The following ITPR2 variants were observed in gnomAD, a reference collection of about 807,000 sequenced individuals.
The protein encoded by ITPR2 is inositol 1,4,5-trisphosphate-gated calcium channel ITPR2.
ITPR2 carries 207 observed loss-of-function variants against 317.1 expected under a neutral mutation model. The ratio of observed to expected loss-of-function variants is 0.65; its 90% CI spans 0.58 to 0.73. The LOEUF (loss-of-function observed/expected upper bound fraction) is 0.73, where lower values mean the gene tolerates loss of function less well. Among genes scored for constraint, ITPR2 ranks in the 30% least tolerant of loss-of-function variants. ITPR2 has a pLI of 0.00. For synonymous variants in ITPR2, 1,156 were observed against 1,149.1 expected (o/e 1.01, Z -0.12); for missense variants, 2,613 against 3,284.0 (o/e 0.80, Z 4.99).
intron 45 of ITPR2, among the ~76,000 whole-genome samples, chr12:26,466,389 A>G (rs1942171595): frequency 6.6e-6 from 1 of 152,250 alleles, no homozygotes; most frequent in South Asian, 2.1e-4. Context: ...GCTCAGAGCT[A>G]CCACTGATAA....
intron 53 of ITPR2, 96 bp downstream of exon 53, chr12:26,400,032 T>C: frequency 2.3e-6 from 3 of 1,298,404 alleles, no homozygotes; most frequent in Non-Finnish European, 3.1e-6. Context: ...TGGTACAATA[T>C]ATTTTCCTGA....
intron 25 of ITPR2, 123 bp downstream of exon 25, chr12:26,622,117 T>C (rs1374764240): frequency 1.7e-5 from 13 of 759,620 alleles, no homozygotes; most frequent in African/African-American, 1.8e-5. Context: ...TGTTTAAAAA[T>C]AGAAAGTGTC....
intron 2 of ITPR2, among the ~76,000 whole-genome samples, chr12:26,730,108 C>T (rs1949001725): frequency 1.3e-5 from 2 of 152,098 alleles, no homozygotes; most frequent in South Asian, 4.2e-4. Flanking sequence ...AGGTGTCCAC[C>T]CCTTTGGTTT....
intron 55 of ITPR2, among the ~76,000 whole-genome samples, chr12:26,357,726 T>C (rs1470699123): frequency 1.3e-5 from 2 of 152,178 alleles, no homozygotes; most frequent in Non-Finnish European, 2.9e-5. Context: ...GAGTGGGCAG[T>C]GCCAAAATTG....
chr12:26,703,195 T>G (rs1413931500), intron 9 of ITPR2, among the ~76,000 whole-genome samples: 1 of 152,228 alleles, frequency 6.6e-6, no homozygotes, highest in African/African-American at 2.4e-5. Flanking sequence ...ACTGTGAGAC[T>G]TAGCATGGTC....
At chr12:26,378,555 C>T (rs774093471) in intron 55 of ITPR2, among the ~76,000 whole-genome samples, 2 of 152,186 alleles carry the variant, frequency 1.3e-5, no homozygotes, top group African/African-American at 2.4e-5. Flanking sequence ...TGTGATTTGA[C>T]TTAAGGTTTC....
intron 1 of ITPR2, among the ~76,000 whole-genome samples, chr12:26,827,270 AGAAAAGAACAATAAACTCG>A: frequency 2.1e-5 from 2 of 95,050 alleles, no homozygotes; most frequent in Admixed American, 2.1e-4. Context: ...ACTTACACGG[AGAAAAGAACAATAAACTCG>A]GAGAAAAGAA....
chr12:26,364,650 T>G (rs1179966682), intron 55 of ITPR2, among the ~76,000 whole-genome samples: 1 of 152,160 alleles, frequency 6.6e-6, no homozygotes, highest in Non-Finnish European at 1.5e-5. Context: ...CTCTGCTCAT[T>G]CAGCAACCAA....
At chr12:26,520,391 C>T (rs1943632461) in intron 37 of ITPR2, among the ~76,000 whole-genome samples, 1 of 152,146 alleles carries the variant, frequency 6.6e-6, no homozygotes, top group South Asian at 2.1e-4. Context: ...TGTTGACTTC[C>T]TGTTTTTGCT....
intron 34 of ITPR2, among the ~76,000 whole-genome samples, chr12:26,578,317 T>C (rs11048589): frequency 0.063 from 9,602 of 152,148 alleles, 427 homozygotes; most frequent in Middle Eastern, 0.14. Context: ...CCTTGAATAT[T>C]GACACACTTC....
intron 26 of ITPR2, among the ~76,000 whole-genome samples, chr12:26,605,124 A>T (rs79013598): frequency 0.042 from 3,535 of 83,786 alleles, 157 homozygotes; most frequent in African/African-American, 0.13. Flanking sequence ...ATAAAAAATA[A>T]AAATATATAT....
intron 37 of ITPR2, among the ~76,000 whole-genome samples, chr12:26,535,875 C>T (rs1440259145): frequency 2.0e-5 from 3 of 152,152 alleles, no homozygotes; most frequent in African/African-American, 4.8e-5. Flanking sequence ...AAAAGAACAA[C>T]TTATATGTCA....
intron 37 of ITPR2, among the ~76,000 whole-genome samples, chr12:26,510,360 C>T (rs1355590034): frequency 6.6e-6 from 1 of 152,120 alleles, no homozygotes. Context: ...TATTTGCCAA[C>T]CATTTCAGAA....
At chr12:26,663,868 AC>A (rs1423075438) in intron 14 of ITPR2, 22 bp from the exon 15 acceptor site, 5 of 1,574,008 alleles carry the variant, frequency 3.2e-6, no homozygotes, top group Admixed American at 2.0e-5. Context: ...AAAAACAGCC[AC>A]CTATTCTGAT....
At position 26,623,901 on chromosome 12, in the gene ITPR2, T is replaced by A. The variant is rs188355172; in HGVS notation, c.3122+398A>T. Among the ~76,000 whole-genome samples the A allele has an allele frequency of 5.1e-3, 782 of 152,342 alleles. 4 individuals carry two copies. The highest frequency in any genetic ancestry group is 0.018 in the African/African-American group (735 of 41,578). On this transcript the variant is annotated intron_variant, in intron 24 of 56. Coordinates refer to ENST00000381340, the MANE Select transcript of ITPR2 (RefSeq NM_002223.4). ...GCAGAAAATGGCTTTATTTCTTACA[T>A]ATAAAGTTAATGATAACATTAAAGA... is the stretch of plus-strand genomic sequence containing the variant.
chr12:26,735,055 C>G (rs1418266360), intron 2 of ITPR2, among the ~76,000 whole-genome samples: 2 of 134,602 alleles, frequency 1.5e-5, no homozygotes, highest in African/African-American at 2.8e-5. Flanking sequence ...AGCCAGAGTG[C>G]AATGGCACGA....
intron 37 of ITPR2, among the ~76,000 whole-genome samples, chr12:26,511,521 A>C (rs558465515): frequency 6.6e-6 from 1 of 152,118 alleles, no homozygotes; most frequent in African/African-American, 2.4e-5. Context: ...ACATTCAATA[A>C]CTTTTTTTGT....
At chr12:26,772,452 A>T (rs7487284) in intron 2 of ITPR2, among the ~76,000 whole-genome samples, 1 of 65,062 alleles carries the variant, frequency 1.5e-5, no homozygotes, top group Non-Finnish European at 3.5e-5. Context: ...TATATATATT[A>T]TATATATAAT....
At chr12:26,412,537 C>A (rs1940583103) in intron 51 of ITPR2, among the ~76,000 whole-genome samples, 1 of 152,174 alleles carries the variant, frequency 6.6e-6, no homozygotes, top group Non-Finnish European at 1.5e-5. Flanking sequence ...AGGCCCAGAG[C>A]TGAGGCCTGG....
Sources: allele counts gnomAD v4.1 joint callset (sites outside exome capture counted in the v4.1 genomes callset), GRCh38; gene constraint gnomAD v4.1.1; transcripts MANE v1.5; gene names NCBI Gene and HGNC (gene_info 2026-07-23, HGNC 2026-07-21).